Variants in MAP4 observed in about 807,000 individuals in gnomAD.
The protein encoded by MAP4 is microtubule associated protein 4.
In MAP4, 76 loss-of-function variants were observed where a neutral mutation model predicts 170.2. That is an observed-to-expected ratio of 0.45 (90% confidence interval 0.37 to 0.54). The LOEUF is 0.54. MAP4 is among the 20% of genes least tolerant of loss of function. MAP4 has a pLI of 0.00. For missense variants in MAP4, 2,506 were observed against 2,748.0 expected (o/e 0.91, Z 1.97); for synonymous variants, 909 against 994.5 (o/e 0.91, Z 1.62).
chr3:47,855,314 C>T lies in MAP4; in HGVS notation c.6630G>A (p.Glu2210=). Residue 2210 remains glutamate (E), a synonymous_variant, in exon 19 of 21, where the codon GAG becomes GAA. Coordinates refer to ENST00000683076, the MANE Select transcript of MAP4 (RefSeq NM_001385682.1). The surrounding 1 kb of genome is among the most constrained non-coding windows in gnomAD (Gnocchi z 5.1). ...GGGATCCCACCTTGGCCTGGGCCTT[C>T]TCCTTGAAGTTCAACTTCTGACTTT... ...KIESQKLNFK[E]KAQAKVGSLD... 1 of 1,614,144 alleles carries T rather than the reference C, an allele frequency of 6.2e-7. No homozygotes were observed. The highest frequency in any genetic ancestry group is 8.5e-7 in the Non-Finnish European group (1 of 1,179,990).
intron 1 of MAP4, among the ~76,000 whole-genome samples, chr3:48,058,745 C>T (rs1354154643): frequency 6.6e-6 from 1 of 152,120 alleles, no homozygotes; most frequent in African/African-American, 2.4e-5. Flanking sequence ...TGCATAAACA[C>T]CTGATTTGAA....
chr3:47,875,928 A>T (rs757387779), intron 11 of MAP4, 28 bp from the exon 12 acceptor site: 7 of 1,520,510 alleles, frequency 4.6e-6, no homozygotes, highest in Non-Finnish European at 6.2e-6. Context: ...TTTATTTTTT[A>T]TTTTTATTTT....
intron 19 of MAP4, among the ~76,000 whole-genome samples, chr3:47,854,278 G>A (rs1001465933): frequency 8.5e-5 from 13 of 152,222 alleles, no homozygotes; most frequent in Admixed American, 6.5e-4. Flanking sequence ...TGAGACGGGC[G>A]TGAGAACGGC....
In MAP4 at chr3:47,896,049, G is replaced by A. The variant is rs191263363; in HGVS notation, c.5434+6901C>T. On this transcript the variant is annotated intron_variant, in intron 10 of 20. Transcript: ENST00000683076. Reference sequence around the variant, plus strand: ...ACAAGAAGTTCAAGCCCATAGAAGGGGCGAGTACCCAAGACATCATGTCAG... The same window carrying A: ...ACAAGAAGTTCAAGCCCATAGAAGGAGCGAGTACCCAAGACATCATGTCAG... Among the ~76,000 whole-genome samples, 59 of 152,230 alleles carry A rather than the reference G, an allele frequency of 3.9e-4. 2 individuals are homozygous for A. In the East Asian group the frequency reaches 0.011, roughly 28 times the overall value.
chr3:47,855,435 T>C lies in MAP4; in HGVS notation c.6584-75A>G. On this transcript the variant is annotated intron_variant, in intron 18 of 20. Coordinates refer to ENST00000683076, the MANE Select transcript of MAP4 (RefSeq NM_001385682.1). This position sits in a 1 kb window ranked among gnomAD's most constrained non-coding sequence, Gnocchi z 5.1. ...GCAGGCAAAACCAGGACTAGCGATA[T>C]GCCCAATCTAGAAATGAGACAGACG... 2.3e-6 allele frequency: 2 copies of C among 867,980 alleles called. No individual in the cohort carries two copies. The highest frequency in any genetic ancestry group is 4.0e-6 in the Non-Finnish European group (2 of 502,874). The allele number at this position is 867,980 out of a possible 1,614,324, so 53.8% of individuals were successfully genotyped here. A position where few individuals can be genotyped will look rare whatever the true frequency, so the allele number is the denominator to read the frequency against.
intron 3 of MAP4, among the ~76,000 whole-genome samples, chr3:47,931,411 T>C (rs1054020506): frequency 2.6e-5 from 4 of 152,136 alleles, no homozygotes; most frequent in Non-Finnish European, 5.9e-5. Context: ...AGGAGCAATT[T>C]TGAGAATGTG....
chr3:47,910,876 T>A lies in MAP4; in HGVS notation c.3545A>T (p.Asp1182Val). 1 of 1,536,162 alleles carries A rather than the reference T, an allele frequency of 6.5e-7. No homozygotes were observed. The highest frequency in any genetic ancestry group is 8.7e-7 in the Non-Finnish European group (1 of 1,146,910). ...VSTETGDVVK[D>V]MGVNNQSKEG... ...CTTGCTCTGGTTATTGACACCCATATCTTTGACTACATCTCCTGTTTCTGT... is the reference window on the plus strand; with the variant it reads ...CTTGCTCTGGTTATTGACACCCATAACTTTGACTACATCTCCTGTTTCTGT... The change falls in exon 9 of 21, where the codon GAT becomes GTT. Residue 1182 changes from aspartate to valine, a missense_variant. Asp to Val is a radical substitution (Grantham distance 152, BLOSUM62 -3). This residue lies in a region of MAP4 where 2,008 missense variants were observed against 2,206.0 expected (regional missense o/e 0.91). Transcript: ENST00000683076.
At chr3:47,974,966 GAGA>G in intron 3 of MAP4, 2 of 986,396 alleles carry the variant, frequency 2.0e-6, no homozygotes, top group Non-Finnish European at 2.4e-6. Context: ...AAGGAGGAGG[GAGA>G]AGAAAAGGAA....
chr3:47,887,250 G>A (rs1455474839), intron 10 of MAP4, among the ~76,000 whole-genome samples: 1 of 152,250 alleles, frequency 6.6e-6, no homozygotes, highest in Non-Finnish European at 1.5e-5. Context: ...GCACTTGCGG[G>A]TCAGCTGGAG....
intron 1 of MAP4, among the ~76,000 whole-genome samples, chr3:48,046,271 G>C (rs2100124545): frequency 1.3e-5 from 2 of 152,130 alleles, no homozygotes; most frequent in Admixed American, 1.3e-4. Context: ...GAGACAAGGA[G>C]GTAACACAAA....
In MAP4 at chr3:48,042,133, C is replaced by G. The variant is rs550706561; in HGVS notation, c.-19-43254G>C. Among the ~76,000 whole-genome samples, 522 of 152,286 alleles carry G rather than the reference C, an allele frequency of 3.4e-3. 2 individuals carry two copies. Among genetic ancestry groups the G allele is most frequent in the Admixed American group, 5.4e-3 (82 of 15,288 alleles). On this transcript the variant is annotated intron_variant, in intron 1 of 18. Transcript: ENST00000360240. ...TATAAATGGGAACACCAATTTATAG[C>G]CAGTCAGTCAGAAGCACAGGTAAAA...
chr3:47,907,046 G>A (rs1577385546), intron 9 of MAP4, among the ~76,000 whole-genome samples: 1 of 152,262 alleles, frequency 6.6e-6, no homozygotes, highest in African/African-American at 2.4e-5. Flanking sequence ...CGTTGGTGAG[G>A]CTGGTCTCGA....
At chr3:47,988,537 A>C (rs984582728) in intron 2 of MAP4, among the ~76,000 whole-genome samples, 2 of 152,190 alleles carry the variant, frequency 1.3e-5, no homozygotes, top group Admixed American at 1.3e-4. Flanking sequence ...ACAGGAGAGC[A>C]AGTGCCAGAA....
Position 47,911,448 on chromosome 3 carries a change from A to C in MAP4, c.2973T>G (p.Asn991Lys). 1 of 1,536,062 alleles carries C rather than the reference A, an allele frequency of 6.5e-7. No individual in the cohort carries two copies. Among genetic ancestry groups the C allele is most frequent in the Non-Finnish European group, 8.7e-7 (1 of 1,146,888 alleles). ...PLECNLKEGNNESKMTKLQNV... is the reference protein window; with the variant it reads ...PLECNLKEGNKESKMTKLQNV... ...TCTGCAGTTTAGTCATTTTACTTTC[A>C]TTATTCCCTTCTTTTAGATTACATT... The change falls in exon 9 of 21, where the codon AAT (asparagine) becomes AAG (lysine). Residue 991 changes from asparagine (N) to lysine (K), a missense_variant. Around this residue, in one of 3 missense-constraint regions of MAP4, gnomAD observed 2,008 missense variants for 2,206.0 expected, o/e 0.91. Transcript: ENST00000683076. This position sits in a 1 kb window ranked among gnomAD's most constrained non-coding sequence, Gnocchi z 4.0.
At chr3:47,958,580 G>A (rs914604744) in intron 3 of MAP4, among the ~76,000 whole-genome samples, 6 of 151,898 alleles carry the variant, frequency 4.0e-5, no homozygotes, top group East Asian at 3.9e-4. Flanking sequence ...GCAGTGGTGC[G>A]ATCTTGACTC....
chr3:48,016,848 C>T (rs1269306165), upstream of MAP4, among the ~76,000 whole-genome samples: 1 of 151,410 alleles, frequency 6.6e-6, no homozygotes, highest in Non-Finnish European at 1.5e-5. Flanking sequence ...ATGATCTCAG[C>T]TCACTACAAC....
At chr3:48,075,484 G>C (rs1209279487) in intron 1 of MAP4, among the ~76,000 whole-genome samples, 1 of 151,874 alleles carries the variant, frequency 6.6e-6, no homozygotes, top group South Asian at 2.1e-4. Flanking sequence ...CTGCGATCAC[G>C]CCACTGCACT....
chr3:48,063,968 G>A (rs1310105239), intron 1 of MAP4, among the ~76,000 whole-genome samples: 1 of 152,128 alleles, frequency 6.6e-6, no homozygotes, highest in Non-Finnish European at 1.5e-5. Context: ...CAGTGAAAGA[G>A]ATCTGATCTA....
chr3:47,930,222 G>C (rs2100048775), intron 3 of MAP4, among the ~76,000 whole-genome samples: 2 of 151,212 alleles, frequency 1.3e-5, no homozygotes, highest in Non-Finnish European at 2.9e-5. Context: ...GAGGCGGGTG[G>C]ATCATGAGGT....
Sources: allele counts gnomAD v4.1 joint callset (sites outside exome capture counted in the v4.1 genomes callset), GRCh38; gene constraint gnomAD v4.1.1; regional missense constraint gnomAD v4.1.1; non-coding constraint Gnocchi (gnomAD v3.1); transcripts MANE v1.5; gene names NCBI Gene and HGNC (gene_info 2026-07-23, HGNC 2026-07-21).